The following APP variants were observed in gnomAD, a reference collection of about 807,000 sequenced individuals.
APP encodes the protein amyloid-beta precursor protein.
APP carries 31 observed loss-of-function variants against 101.4 expected under a neutral mutation model. The ratio of observed to expected loss-of-function variants is 0.31; its 90% CI spans 0.23 to 0.41. APP has a LOEUF of 0.41. APP is among the 10% of genes least tolerant of loss of function. The pLI, the probability that APP is intolerant of heterozygous loss-of-function variation, is 1.00. For synonymous variants in APP, 366 were observed against 364.4 expected (o/e 1.00, Z -0.05); for missense variants, 839 against 1,003.7 (o/e 0.84, Z 2.22).
chr21:26,005,694 T>G (rs1009210407), intron 6 of APP, among the ~76,000 whole-genome samples: 1 of 152,076 alleles, frequency 6.6e-6, no homozygotes, highest in African/African-American at 2.4e-5. Flanking sequence ...CAAGAGAGAG[T>G]TCAAATGCTT....
At chr21:25,931,943 T>C (rs1292907549) in intron 13 of APP, among the ~76,000 whole-genome samples, 1 of 152,160 alleles carries the variant, frequency 6.6e-6, no homozygotes. Flanking sequence ...CACAGGCGCT[T>C]TGAAAAAAAC....
chr21:26,104,088 C>G (rs374234823), intron 2 of APP, among the ~76,000 whole-genome samples: 63 of 152,234 alleles, frequency 4.1e-4, no homozygotes, highest in African/African-American at 1.4e-3. Flanking sequence ...GTGACTTCTT[C>G]GTTTGAGCAG....
At chr21:26,008,572 A>T (rs567304839) in intron 6 of APP, among the ~76,000 whole-genome samples, 4 of 152,304 alleles carry the variant, frequency 2.6e-5, no homozygotes, top group African/African-American at 9.6e-5. Flanking sequence ...CCATGGTATA[A>T]ATACTCCCAC....
intron 3 of APP, among the ~76,000 whole-genome samples, chr21:26,066,102 C>G (rs974997676): frequency 6.6e-6 from 1 of 152,122 alleles, no homozygotes; most frequent in East Asian, 1.9e-4. Context: ...CAGGGCTTCT[C>G]AAGCTTTACA....
At chr21:26,118,976 C>T (rs1191073406) in intron 1 of APP, among the ~76,000 whole-genome samples, 1 of 152,098 alleles carries the variant, frequency 6.6e-6, no homozygotes, top group Admixed American at 6.5e-5. Context: ...TCAGCCTTGA[C>T]CTTGTGAACA....
At position 25,891,820 on chromosome 21, in the gene APP, G is replaced by C. The variant is rs63750921; in HGVS notation, c.2113C>G (p.Leu705Val). 1 of 1,614,024 alleles carries C rather than the reference G, an allele frequency of 6.2e-7. No homozygotes were observed. Among genetic ancestry groups the C allele is most frequent in the Non-Finnish European group, 8.5e-7 (1 of 1,179,988 alleles). Residue 705 changes from leucine (L) to valine (V), a missense_variant, in exon 17 of 18, where the codon CTC becomes GTC. By Grantham distance (32) the Leu-to-Val change is conservative. Coordinates refer to ENST00000346798, the MANE Select transcript of APP (RefSeq NM_000484.4). ...GCTATGACAACACCGCCCACCATGAGTCCAATGATTGCACCTTTGTTTGAA... is the reference window on the plus strand; with the variant it reads ...GCTATGACAACACCGCCCACCATGACTCCAATGATTGCACCTTTGTTTGAA... Reference protein sequence around the residue: ...VGSNKGAIIGLMVGGVVIATV... With the variant: ...VGSNKGAIIGVMVGGVVIATV...
intron 3 of APP, among the ~76,000 whole-genome samples, chr21:26,075,869 T>TC (rs2061489134): frequency 6.6e-6 from 1 of 152,112 alleles, no homozygotes; most frequent in Non-Finnish European, 1.5e-5. Flanking sequence ...CCCTGGAACA[T>TC]CCCCATGAAT....
At chr21:26,093,125 A>C (rs1361716943) in intron 2 of APP, among the ~76,000 whole-genome samples, 1 of 152,226 alleles carries the variant, frequency 6.6e-6, no homozygotes, top group Non-Finnish European at 1.5e-5. Context: ...AAATGCTCTA[A>C]AAATGCCACT....
chr21:25,997,588 G>A (rs113674564), intron 7 of APP, among the ~76,000 whole-genome samples, 172 bp from the exon 8 acceptor site: 24 of 152,192 alleles, frequency 1.6e-4, no homozygotes, highest in African/African-American at 4.8e-4. Flanking sequence ...ATCTATTTTC[G>A]TAAGAAGTTA....
At chr21:25,938,370 C>T (rs2040437547) in intron 13 of APP, among the ~76,000 whole-genome samples, 1 of 152,012 alleles carries the variant, frequency 6.6e-6, no homozygotes. Context: ...AGTAGTTAGG[C>T]TCTGCCAGAA....
In APP at chr21:26,059,890, C is replaced by CAAAAAAAAAA. The variant is rs57594630; in HGVS notation, c.356-6552_356-6543dup. Among the ~76,000 whole-genome samples, 7 of 70,658 alleles carry CAAAAAAAAAA rather than the reference C, an allele frequency of 9.9e-5. 1 individual carries two copies. The highest frequency in any genetic ancestry group is 1.1e-3 in the East Asian group (2 of 1,808). 46.4% of individuals were successfully genotyped at this position (70,658 alleles called of 152,430 possible). On this transcript the variant is annotated intron_variant, in intron 3 of 17. Coordinates refer to ENST00000346798, the MANE Select transcript of APP (RefSeq NM_000484.4). ...TGAGCGAAAGAGCGAGACTCCGTCTCAAAAAAAAAAAAAAAAAAAAAAAAA... is the reference window on the plus strand; with the variant it reads ...TGAGCGAAAGAGCGAGACTCCGTCTCAAAAAAAAAAAAAAAAAAAAAAAAAAAAAAAAAAA...
At chr21:25,891,608 G>T in intron 17 of APP, 114 bp downstream of exon 17, 1 of 1,024,272 alleles carries the variant, frequency 9.8e-7, no homozygotes, top group Non-Finnish European at 1.5e-6. Context: ...CATCATGGAA[G>T]CACACTGATT....
chr21:25,900,363 T>G (rs575765582), intron 15 of APP, among the ~76,000 whole-genome samples: 1 of 111,142 alleles, frequency 9.0e-6, no homozygotes, highest in East Asian at 2.8e-4. Context: ...TGAAACCCTG[T>G]CTCTACTAAA....
chr21:26,052,572 T>C (rs978405858), intron 4 of APP, among the ~76,000 whole-genome samples: 7 of 152,370 alleles, frequency 4.6e-5, no homozygotes, highest in African/African-American at 1.4e-4. Flanking sequence ...ACATCTTTTA[T>C]TGGCTTAGCC....
chr21:25,893,327 T>G (rs1340277296), intron 16 of APP, among the ~76,000 whole-genome samples: 2 of 152,174 alleles, frequency 1.3e-5, no homozygotes, highest in South Asian at 2.1e-4. Flanking sequence ...CTCTTAAGTA[T>G]TCAAGTGAAA....
rs371571928 is a variant in APP at position 25,918,851 on chromosome 21, G to T, written c.1688-6889C>A. On this transcript the variant is annotated intron_variant, in intron 13 of 17. Coordinates refer to ENST00000346798, the MANE Select transcript of APP (RefSeq NM_000484.4). ...GCTTGCTTAGGTAAACAAAGCAGCC[G>T]GGAAGCTCGAACTGGGTGGAGCCCA... Among the ~76,000 whole-genome samples, 48 of 149,260 alleles carry T rather than the reference G, an allele frequency of 3.2e-4. 1 individual carries two copies. In the South Asian group the frequency reaches 3.9e-3, roughly 12 times the overall value.
intron 3 of APP, among the ~76,000 whole-genome samples, chr21:26,070,637 G>GA (rs796635201): frequency 6.6e-6 from 1 of 151,492 alleles, no homozygotes. Context: ...CGGATTTTAA[G>GA]AAAAAAAGAG....
chr21:25,931,855 A>G (rs1442511541), intron 13 of APP, among the ~76,000 whole-genome samples: 1 of 152,326 alleles, frequency 6.6e-6, no homozygotes, highest in Non-Finnish European at 1.5e-5. Flanking sequence ...GGACCCAGAG[A>G]GCTCACTTCT....
At chr21:25,895,192 A>G (rs1326721485) in intron 16 of APP, among the ~76,000 whole-genome samples, 2 of 134,142 alleles carry the variant, frequency 1.5e-5, no homozygotes, top group East Asian at 4.1e-4. Context: ...TTTTTTTTTG[A>G]GACAGAGTCT....
Sources: allele counts gnomAD v4.1 joint callset (sites outside exome capture counted in the v4.1 genomes callset), GRCh38; gene constraint gnomAD v4.1.1; transcripts MANE v1.5; gene names NCBI Gene and HGNC (gene_info 2026-07-23, HGNC 2026-07-21).